Variants in CYP4B1 observed in about 807,000 individuals in gnomAD.
The protein encoded by CYP4B1 is cytochrome P450 4B1.
In CYP4B1, 45 loss-of-function variants were observed where a neutral mutation model predicts 54.0. The observed-to-expected ratio is 0.83, with a 90% CI of 0.66 to 1.07. CYP4B1 has a LOEUF of 1.07. Ranked by LOEUF, CYP4B1 falls within the 50% of genes least tolerant of loss-of-function variation. The probability of loss-of-function intolerance (pLI) is 0.00; values close to 1 mark genes in which losing one functional copy is unlikely to be tolerated. For missense variants in CYP4B1, 656 were observed against 655.4 expected (o/e 1.00, Z -0.01); for synonymous variants, 248 against 247.5 (o/e 1.00, Z -0.02).
intron 1 of CYP4B1, among the ~76,000 whole-genome samples, chr1:46,800,903 C>A (rs947898829): frequency 1.3e-5 from 2 of 152,176 alleles, no homozygotes; most frequent in Admixed American, 6.5e-5. Flanking sequence ...AAACAGACAC[C>A]AGAGCCTTGC....
At position 46,818,135 on chromosome 1, in the gene CYP4B1, T is replaced by A. The variant is rs1679412240; in HGVS notation, c.1277T>A (p.Phe426Tyr). 6.2e-7 allele frequency: 1 copy of A among 1,614,034 alleles called. No individual in the cohort carries two copies. Among genetic ancestry groups the A allele is most frequent in the East Asian group, 2.2e-5 (1 of 44,886 alleles). ...NSAVWPDPEV[F>Y]DSLRFSTENA... Reference sequence around the variant, plus strand: ...AAGCAAGGCCTGTCCCTTCAGGTCTTTGACTCTCTGCGCTTTTCCACTGAG... The same window carrying A: ...AAGCAAGGCCTGTCCCTTCAGGTCTATGACTCTCTGCGCTTTTCCACTGAG... The change falls in exon 11 of 12, where the codon TTT becomes TAT. Residue 426 changes from phenylalanine to tyrosine, a missense_variant. Coordinates refer to ENST00000371923, the MANE Select transcript of CYP4B1 (RefSeq NM_001099772.2).
At chr1:46,806,186 G>A in intron 1 of CYP4B1, among the ~76,000 whole-genome samples, 1 of 152,222 alleles carries the variant, frequency 6.6e-6, no homozygotes, top group Non-Finnish European at 1.5e-5. Context: ...AAGGTGCTGG[G>A]CAGGCACCCT....
At chr1:46,807,374 G>C (rs1162033968) in intron 1 of CYP4B1, among the ~76,000 whole-genome samples, 2 of 152,198 alleles carry the variant, frequency 1.3e-5, no homozygotes, top group Non-Finnish European at 2.9e-5. Context: ...GATCCTATGA[G>C]TCTGGCTTTT....
intron 4 of CYP4B1, 133 bp from the exon 5 acceptor site, chr1:46,813,349 A>G (rs574526394): frequency 1.8e-5 from 19 of 1,050,098 alleles, no homozygotes; most frequent in Non-Finnish European, 2.5e-5. Context: ...AGGGCAGGAC[A>G]GGGACTGGGA....
In CYP4B1 at chr1:46,815,094, G is replaced by A. The variant is rs755703651; in HGVS notation, c.903G>A (p.Leu301=). 1.8e-5 allele frequency: 29 copies of A among 1,614,034 alleles called. No individual in the cohort carries two copies. In the Admixed American group the frequency reaches 4.8e-4, roughly 27 times the overall value. The change falls in exon 8 of 12, where the codon CTG becomes CTA. Residue 301 remains leucine (L), a synonymous_variant. Transcript: ENST00000371923. ...LGARDEDDIK[L]SDADLRAEVD... ...CCCAGGATGAAGATGACATCAAACT[G>A]TCAGATGCAGACCTCCGGGCTGAAG...
chr1:46,813,820 G>T (rs1679212248), intron 5 of CYP4B1, 89 bp from the exon 6 acceptor site: 2 of 1,519,458 alleles, frequency 1.3e-6, no homozygotes. Flanking sequence ...GATGCTCTGT[G>T]GTTGGGGCTA....
chr1:46,818,706 C>T lies in CYP4B1; in HGVS notation c.1431C>T (p.Phe477=). 6.2e-7 allele frequency: 1 copy of T among 1,614,194 alleles called. No individual in the cohort carries two copies. The highest frequency in any genetic ancestry group is 8.5e-7 in the Non-Finnish European group (1 of 1,180,022). Reference sequence around the variant, plus strand: ...CCATGTGCTTGCTCCGCTTTGAGTTCTCTCTGGACCCCTCACGGCTGCCCA... The same window carrying T: ...CCATGTGCTTGCTCCGCTTTGAGTTTTCTCTGGACCCCTCACGGCTGCCCA... ...VTAMCLLRFE[F]SLDPSRLPIK... Residue 477 remains phenylalanine, a synonymous_variant, in exon 12 of 12, where the codon TTC becomes TTT. Coordinates refer to ENST00000371923, the MANE Select transcript of CYP4B1 (RefSeq NM_001099772.2).
In CYP4B1 at chr1:46,818,722, C is replaced by G. The variant is rs780850977; in HGVS notation, c.1447C>G (p.Arg483Gly). 4 of 1,614,180 alleles carry G rather than the reference C, an allele frequency of 2.5e-6. No individual in the cohort carries two copies. The highest frequency in any genetic ancestry group is 1.7e-5 in the Admixed American group (1 of 60,028). ...LRFEFSLDPS[R>G]LPIKMPQLVL... The stretch of plus-strand genomic sequence containing the variant: ...CTTTGAGTTCTCTCTGGACCCCTCA[C>G]GGCTGCCCATCAAGATGCCCCAGCT... Residue 483 changes from arginine to glycine, a missense_variant, in exon 12 of 12, where the codon CGG (arginine) becomes GGG (glycine). Transcript: ENST00000371923.
At chr1:46,813,856 C>T in intron 5 of CYP4B1, 53 bp from the exon 6 acceptor site, 1 of 1,595,006 alleles carries the variant, frequency 6.3e-7, no homozygotes, top group Non-Finnish European at 8.6e-7. Context: ...GTTTCTCTGG[C>T]TCTGCTCCTG....
At chr1:46,800,921 C>T (rs1025610662) in intron 1 of CYP4B1, among the ~76,000 whole-genome samples, 2 of 152,176 alleles carry the variant, frequency 1.3e-5, no homozygotes, top group East Asian at 1.9e-4. Flanking sequence ...TGCTCCCGAG[C>T]TGGGCGAGGT....
At chr1:46,805,107 T>C (rs546269374) in intron 1 of CYP4B1, among the ~76,000 whole-genome samples, 66 of 152,314 alleles carry the variant, frequency 4.3e-4, no homozygotes, top group African/African-American at 1.5e-3. Flanking sequence ...AGTGGATGAA[T>C]CTCTGGGGGG....
rs551835686 is a variant in CYP4B1, at chr1:46,812,339, G to A, written c.368-157G>A. The A allele has an allele frequency of 2.6e-5, 21 of 810,078 alleles. No individual in the cohort carries two copies. The African/African-American group carries it at 2.9e-4, about 11-fold the overall frequency. 50.2% of individuals were successfully genotyped at this position (810,078 alleles called of 1,614,324 possible). On this transcript the variant is annotated intron_variant, in intron 3 of 11. Coordinates refer to ENST00000371923, the MANE Select transcript of CYP4B1 (RefSeq NM_001099772.2). ...CTGCCACCTGTCTCCTGAGGTCCTG[G>A]TAGCCTAGGGTGAGGGCATGGAGGG...
In CYP4B1 at chr1:46,810,981, G is replaced by C. The variant is rs1239668422; in HGVS notation, c.322+32G>C. On this transcript the variant is annotated intron_variant, in intron 2 of 11. Coordinates refer to ENST00000371923, the MANE Select transcript of CYP4B1 (RefSeq NM_001099772.2). ...AGAGAGGATGGGGATCTCAGGAGAG[G>C]GTGGGGCTTCCTGAGAACAAAGGGC... The C allele has an allele frequency of 1.9e-6, 3 of 1,612,568 alleles. No homozygotes were observed. In the African/African-American group the frequency reaches 4.0e-5, roughly 22 times the overall value.
In CYP4B1 at chr1:46,800,163, TC is replaced by T. The variant is rs1320647130; in HGVS notation, c.180+903del. On this transcript the variant is annotated intron_variant, in intron 1 of 11. Coordinates refer to ENST00000371923, the MANE Select transcript of CYP4B1 (RefSeq NM_001099772.2). ...TCCTTTCCCTTTCCCTTTCTTTCTT[TC>T]TTTTTTTCTTCTTTCTTTCTCTTTC... is the stretch of plus-strand genomic sequence containing the variant. Among the ~76,000 whole-genome samples, 24 of 127,154 alleles carry T rather than the reference TC, an allele frequency of 1.9e-4. 1 individual carries two copies. The highest frequency in any genetic ancestry group is 4.5e-3 in the Middle Eastern group (1 of 224). 83.4% of individuals were successfully genotyped at this position (127,154 alleles called of 152,430 possible).
At chr1:46,800,221 C>CTTTCTTTCTTTCTT (rs369051884) in intron 1 of CYP4B1, among the ~76,000 whole-genome samples, 2 of 23,350 alleles carry the variant, frequency 8.6e-5, no homozygotes, top group African/African-American at 2.0e-4. Context: ...CTTTCTCTTT[C>CTTTCTTTCTTTCTT]TCTCTTTCTT....
At position 46,817,983 on chromosome 1, in the gene CYP4B1, A is replaced by T. The variant is rs779131973; in HGVS notation, c.1226A>T (p.His409Leu). The T allele has an allele frequency of 6.8e-6, 11 of 1,614,094 alleles. No individual in the cohort carries two copies. In the South Asian group the frequency reaches 1.2e-4, roughly 18 times the overall value. The change falls in exon 10 of 12, where the codon CAT becomes CTT. Residue 409 changes from histidine to leucine, a missense_variant. By Grantham distance (99) the His-to-Leu change is moderately conservative (BLOSUM62 -3). Transcript: ENST00000371923. ...CCCACAGGAAGCCTGATCTCTATGCATATCTATGCCCTCCATAGGAACAGT... is the reference window on the plus strand; with the variant it reads ...CCCACAGGAAGCCTGATCTCTATGCTTATCTATGCCCTCCATAGGAACAGT... ...SLPAGSLISM[H>L]IYALHRNSAV...
At chr1:46,816,978 C>A in intron 8 of CYP4B1, 70 bp from the exon 9 acceptor site, 2 of 1,572,602 alleles carry the variant, frequency 1.3e-6, no homozygotes, top group Non-Finnish European at 1.7e-6. Context: ...AAAACTGGGG[C>A]TGGGGTCTGC....
intron 1 of CYP4B1, among the ~76,000 whole-genome samples, chr1:46,809,883 G>C (rs1345675673): frequency 6.6e-6 from 1 of 152,162 alleles, no homozygotes; most frequent in Admixed American, 6.6e-5. Context: ...AATGAAAAAT[G>C]GCTGGTTTTG....
intron 8 of CYP4B1, among the ~76,000 whole-genome samples, chr1:46,815,953 G>C (rs542320483): frequency 1.3e-5 from 2 of 151,696 alleles, no homozygotes; most frequent in Non-Finnish European, 2.9e-5. Flanking sequence ...GCCTCCAAGA[G>C]GGGGCTAGGC....
Sources: allele counts gnomAD v4.1 joint callset (sites outside exome capture counted in the v4.1 genomes callset), GRCh38; gene constraint gnomAD v4.1.1; transcripts MANE v1.5; gene names NCBI Gene and HGNC (gene_info 2026-07-23, HGNC 2026-07-21).